Variants in TENM2 observed in about 807,000 individuals in gnomAD.
The protein encoded by TENM2 is teneurin-2.
In TENM2, 52 loss-of-function variants were observed where a neutral mutation model predicts 245.2. The ratio of observed to expected loss-of-function variants is 0.21; its 90% CI spans 0.17 to 0.27. The LOEUF (loss-of-function observed/expected upper bound fraction) is 0.27. TENM2 is among the 10% of genes least tolerant of loss of function. TENM2 has a pLI of 1.00. For synonymous variants in TENM2, 1,363 were observed against 1,438.9 expected (o/e 0.95, Z 1.19); for missense variants, 3,046 against 3,666.8 (o/e 0.83, Z 4.37).
chr5:168,234,195 G>C (rs1765210311), intron 25 of TENM2, among the ~76,000 whole-genome samples: 1 of 152,052 alleles, frequency 6.6e-6, no homozygotes, highest in Non-Finnish European at 1.5e-5. Context: ...GTTGACTCCA[G>C]GCTTACATCA....
chr5:167,330,791 C>T (rs1198965137), intron 1 of TENM2, among the ~76,000 whole-genome samples: 1 of 152,176 alleles, frequency 6.6e-6, no homozygotes, highest in Non-Finnish European at 1.5e-5. Flanking sequence ...TCTAGCATTT[C>T]TCACTTAACG....
chr5:167,139,620 A>G, the TENM2 span, among the ~76,000 whole-genome samples: 2 of 152,202 alleles, frequency 1.3e-5, no homozygotes, highest in African/African-American at 4.8e-5. Flanking sequence ...TTTCCTTAGC[A>G]AAGTCAATCG....
chr5:167,916,923 T>C (rs1776996244), intron 3 of TENM2, among the ~76,000 whole-genome samples: 1 of 152,096 alleles, frequency 6.6e-6, no homozygotes, highest in Admixed American at 6.5e-5. Flanking sequence ...TTTGGTGTTG[T>C]TGCTTAAGCA....
chr5:167,531,408 A>G (rs1285654519), intron 2 of TENM2, among the ~76,000 whole-genome samples: 1 of 152,108 alleles, frequency 6.6e-6, no homozygotes, highest in Non-Finnish European at 1.5e-5. Flanking sequence ...TGCAATGTAT[A>G]GCTGTGTTTT....
the TENM2 span, among the ~76,000 whole-genome samples, chr5:167,216,397 G>A: frequency 6.6e-6 from 1 of 152,162 alleles, no homozygotes; most frequent in Non-Finnish European, 1.5e-5. Context: ...GTGCCCTCTT[G>A]CAAGTCTGAC....
At chr5:167,561,853 G>A (rs1280887695) in intron 2 of TENM2, among the ~76,000 whole-genome samples, 1 of 152,060 alleles carries the variant, frequency 6.6e-6, no homozygotes, top group Non-Finnish European at 1.5e-5. Context: ...TATTTTAAGT[G>A]AGATCAAATG....
chr5:168,014,882 C>T (rs897757593), intron 5 of TENM2, among the ~76,000 whole-genome samples: 1 of 152,128 alleles, frequency 6.6e-6, no homozygotes, highest in African/African-American at 2.4e-5. Context: ...GGCGCCATTT[C>T]CAGCCAAGCA....
At chr5:167,256,920 T>C in the TENM2 span, among the ~76,000 whole-genome samples, 1 of 152,084 alleles carries the variant, frequency 6.6e-6, no homozygotes, top group South Asian at 2.1e-4. Flanking sequence ...TTATAGGAAG[T>C]TTTGCTGTGT....
chr5:167,918,140 GC>G (rs1455542930), intron 3 of TENM2, among the ~76,000 whole-genome samples: 1 of 152,142 alleles, frequency 6.6e-6, no homozygotes, highest in Non-Finnish European at 1.5e-5. Flanking sequence ...ATTTCTACAT[GC>G]AGTTTTAGCC....
At chr5:167,511,246 T>C (rs1213383462) in intron 2 of TENM2, among the ~76,000 whole-genome samples, 1 of 152,078 alleles carries the variant, frequency 6.6e-6, no homozygotes, top group African/African-American at 2.4e-5. Flanking sequence ...GATAAAAGAC[T>C]GGGAAATCAG....
intron 3 of TENM2, among the ~76,000 whole-genome samples, chr5:167,906,156 C>T (rs1370385679): frequency 6.6e-6 from 1 of 150,786 alleles, no homozygotes; most frequent in Non-Finnish European, 1.5e-5. Flanking sequence ...GAGCTTCCTA[C>T]AAGGAGGCAG....
chr5:167,397,583 T>C (rs1376833532), intron 2 of TENM2, among the ~76,000 whole-genome samples: 1 of 152,134 alleles, frequency 6.6e-6, no homozygotes, highest in African/African-American at 2.4e-5. Context: ...AAGAGATTAA[T>C]AATGTGGTGA....
chr5:168,190,512 C>G, exon 14 of TENM2: 1 of 1,613,984 alleles, frequency 6.2e-7, no homozygotes, highest in Non-Finnish European at 8.5e-7. Flanking sequence ...AGGATAGCAC[C>G]CACATCATTC....
chr5:167,478,762 C>T (rs1342093456), intron 2 of TENM2, among the ~76,000 whole-genome samples: 1 of 152,040 alleles, frequency 6.6e-6, no homozygotes, highest in Non-Finnish European at 1.5e-5. Flanking sequence ...ACATTTTGCA[C>T]CTTCCTCTCT....
intron 4 of TENM2, among the ~76,000 whole-genome samples, chr5:167,972,072 T>C (rs1480464599): frequency 6.6e-6 from 1 of 152,258 alleles, no homozygotes; most frequent in Non-Finnish European, 1.5e-5. Context: ...GGTCATGAAT[T>C]TAAGGCAAAG....
At chr5:168,012,381 A>G (rs1785286751) in intron 5 of TENM2, among the ~76,000 whole-genome samples, 1 of 152,044 alleles carries the variant, frequency 6.6e-6, no homozygotes, top group Admixed American at 6.6e-5. Flanking sequence ...AGAGGCTCAC[A>G]CTTGTAATCG....
chr5:167,726,198 C>T (rs1284182241), intron 2 of TENM2, among the ~76,000 whole-genome samples: 1 of 151,984 alleles, frequency 6.6e-6, no homozygotes, highest in Non-Finnish European at 1.5e-5. Context: ...TCAAATGCCT[C>T]TGAAAAGGGA....
At chr5:167,397,705 C>T (rs759771522) in intron 2 of TENM2, among the ~76,000 whole-genome samples, 1 of 152,068 alleles carries the variant, frequency 6.6e-6, no homozygotes, top group Non-Finnish European at 1.5e-5. Flanking sequence ...GTTTCTATTC[C>T]TGCTGAAAGA....
At chr5:167,197,267 T>C in the TENM2 span, among the ~76,000 whole-genome samples, 1 of 152,094 alleles carries the variant, frequency 6.6e-6, no homozygotes, top group African/African-American at 2.4e-5. Context: ...TTCCAAAGCG[T>C]GTGCTATTTC....
Sources: gnomAD v4.1 joint callset for allele counts (sites outside exome capture counted in the v4.1 genomes callset) on GRCh38, gnomAD v4.1.1 for gene constraint, MANE v1.5 for transcripts, NCBI Gene and HGNC (gene_info 2026-07-23, HGNC 2026-07-21) for gene names.